SNX25: variants seen among roughly 807,000 people sequenced by gnomAD.
The protein encoded by SNX25 is sorting nexin-25.
SNX25 carries 62 observed loss-of-function variants against 113.7 expected under a neutral mutation model. The observed-to-expected ratio is 0.55, with a 90% confidence interval of 0.44 to 0.67. The LOEUF (loss-of-function observed/expected upper bound fraction) is 0.67. SNX25 is among the 30% of genes least tolerant of loss of function. The pLI, the probability that SNX25 is intolerant of heterozygous loss-of-function variation, is 0.00. For synonymous variants in SNX25, 421 were observed against 436.2 expected, an observed-to-expected ratio of 0.97 and a Z score of 0.43; for missense variants, 1,014 against 1,161.0, an observed-to-expected ratio of 0.87 and a Z score of 1.84.
At chr4:185,225,252 G>A (rs1185300540) in intron 1 of SNX25, among the ~76,000 whole-genome samples, 1 of 151,816 alleles carries the variant, frequency 6.6e-6, no homozygotes, top group East Asian at 1.9e-4. Flanking sequence ...CTGAGTAGCT[G>A]GAACTATAGG....
downstream of SNX25, chr4:185,370,537 G>T: frequency 8.4e-7 from 1 of 1,192,552 alleles, no homozygotes; most frequent in Non-Finnish European, 1.2e-6. Context: ...TATCTGCACA[G>T]TAATTGAGTA....
intron 7 of SNX25, among the ~76,000 whole-genome samples, chr4:185,319,099 T>TA (rs2095098505): frequency 1.2e-5 from 1 of 83,832 alleles, no homozygotes; most frequent in Non-Finnish European, 2.9e-5. Context: ...TTATTTTTTT[T>TA]ATTTTTTTTT....
downstream of SNX25, chr4:185,366,944 G>T (rs1316858183): frequency 7.0e-6 from 3 of 427,314 alleles, no homozygotes; most frequent in Admixed American, 1.2e-4. Flanking sequence ...GTCTCGGCCA[G>T]TCTGTAGGGT....
At chr4:185,330,146 A>G (rs2095184020) in intron 9 of SNX25, among the ~76,000 whole-genome samples, 1 of 152,194 alleles carries the variant, frequency 6.6e-6, no homozygotes, top group Non-Finnish European at 1.5e-5. Context: ...TTGCAGACTA[A>G]GAGTATTTAT....
chr4:185,207,675 A>G (rs1057495007), upstream of SNX25: 2 of 152,234 alleles, frequency 1.3e-5, no homozygotes, highest in African/African-American at 2.4e-5. Context: ...CACATGGAGT[A>G]ACAACTAAAT....
intron 2 of SNX25, among the ~76,000 whole-genome samples, chr4:185,248,910 T>C (rs1265878149): frequency 6.6e-6 from 1 of 152,166 alleles, no homozygotes; most frequent in Non-Finnish European, 1.5e-5. Context: ...AACCATACAG[T>C]GTGTATTCTT....
chr4:185,320,991 C>T (rs866589694), intron 8 of SNX25, 127 bp downstream of exon 8: 10 of 745,030 alleles, frequency 1.3e-5, no homozygotes, highest in Middle Eastern at 3.4e-4. Flanking sequence ...ATAATACTGA[C>T]ATTATGTTCT....
chr4:185,359,949 T>C (rs1242607758), intron 16 of SNX25, among the ~76,000 whole-genome samples: 1 of 152,176 alleles, frequency 6.6e-6, no homozygotes, highest in Non-Finnish European at 1.5e-5. Context: ...CGCACATGGT[T>C]CTTTGCTGTT....
At chr4:185,314,394 A>G (rs2587160) in intron 7 of SNX25, among the ~76,000 whole-genome samples, 141,848 of 150,176 alleles carry the variant, frequency 0.94, 67,087 homozygotes, top group East Asian at 1. Context: ...GAAGGAAAGA[A>G]AAAAGATACA....
chr4:185,228,474 C>T (rs1404944451), intron 1 of SNX25, among the ~76,000 whole-genome samples: 1 of 151,854 alleles, frequency 6.6e-6, no homozygotes, highest in Non-Finnish European at 1.5e-5. Context: ...TTTTGGTAAG[C>T]GGGAGACGAA....
intron 1 of SNX25, among the ~76,000 whole-genome samples, chr4:185,240,927 T>C (rs1306627225): frequency 7.0e-6 from 1 of 143,654 alleles, no homozygotes; most frequent in Non-Finnish European, 1.5e-5. Flanking sequence ...ATGGGCGGCC[T>C]GGCAGAGATG....
chr4:185,323,484 A>C, intron 8 of SNX25, 44 bp from the exon 9 acceptor site: 2 of 1,533,208 alleles, frequency 1.3e-6, no homozygotes, highest in Non-Finnish European at 1.8e-6. Flanking sequence ...AATTTCTCTC[A>C]GAGATGATAT....
intron 6 of SNX25, among the ~76,000 whole-genome samples, chr4:185,297,046 G>GT (rs1176240763): frequency 6.6e-6 from 1 of 151,628 alleles, no homozygotes; most frequent in Non-Finnish European, 1.5e-5. Context: ...TCTTATTCTA[G>GT]TTTTTTGTTG....
intron 18 of SNX25, 59 bp downstream of exon 18, chr4:185,362,770 G>A: frequency 7.0e-7 from 1 of 1,422,260 alleles, no homozygotes; most frequent in Non-Finnish European, 9.8e-7. Flanking sequence ...TCTTCGTTTG[G>A]TCAGAAAAAA....
upstream of SNX25, among the ~76,000 whole-genome samples, chr4:185,206,388 A>G (rs1221938634): frequency 2.6e-5 from 4 of 152,142 alleles, no homozygotes; most frequent in South Asian, 4.1e-4. Flanking sequence ...TGGAAGATGT[A>G]TGCCGGGCAT....
intron 5 of SNX25, among the ~76,000 whole-genome samples, chr4:185,270,396 T>C (rs1224472305): frequency 1.3e-5 from 2 of 152,358 alleles, no homozygotes; most frequent in Non-Finnish European, 2.9e-5. Flanking sequence ...TCGCTTCCTC[T>C]TGACGTCATA....
At chr4:185,300,877 G>A (rs1753580695) in intron 6 of SNX25, among the ~76,000 whole-genome samples, 1 of 65,212 alleles carries the variant, frequency 1.5e-5, no homozygotes, top group Admixed American at 1.6e-4. Flanking sequence ...ACACACACAG[G>A]TTTTCTTCCA....
At chr4:185,351,379 A>G in intron 13 of SNX25, 66 bp from the exon 14 acceptor site, 1 of 1,531,858 alleles carries the variant, frequency 6.5e-7, no homozygotes, top group Non-Finnish European at 8.9e-7. Flanking sequence ...GCTCACCTTT[A>G]CTTGTAGCTC....
At chr4:185,265,788 A>G (rs1747996551) in intron 4 of SNX25, among the ~76,000 whole-genome samples, 1 of 152,084 alleles carries the variant, frequency 6.6e-6, no homozygotes, top group Admixed American at 6.6e-5. Flanking sequence ...TATACTATTG[A>G]CAGTGCAATA....
Sources: gnomAD v4.1 joint callset for allele counts (sites outside exome capture counted in the v4.1 genomes callset) on GRCh38, gnomAD v4.1.1 for gene constraint, MANE v1.5 for transcripts, NCBI Gene and HGNC (gene_info 2026-07-23, HGNC 2026-07-21) for gene names.